Variants in LARGE1 observed in about 807,000 individuals in gnomAD.
The protein encoded by LARGE1 is xylosyl- and glucuronyltransferase LARGE1.
LARGE1 carries 43 observed loss-of-function variants against 87.6 expected under a neutral mutation model. That is an observed-to-expected ratio of 0.49 (90% confidence interval 0.38 to 0.63). The LOEUF is 0.63. Among genes scored for constraint, LARGE1 ranks in the 30% least tolerant of loss-of-function variants. The pLI is 0.00. For missense variants in LARGE1, 802 were observed against 1,000.2 expected (o/e 0.80, Z 2.67); for synonymous variants, 434 against 394.6 (o/e 1.10, Z -1.18).
At chr22:33,172,857 T>C (rs996789747) in intron 11 of LARGE1, among the ~76,000 whole-genome samples, 1 of 152,136 alleles carries the variant, frequency 6.6e-6, no homozygotes, top group Non-Finnish European at 1.5e-5. Context: ...TACGGGGCTA[T>C]GTGAAAAGAC....
chr22:33,070,930 C>T, the LARGE1 span, among the ~76,000 whole-genome samples: 2 of 152,050 alleles, frequency 1.3e-5, no homozygotes, highest in African/African-American at 2.4e-5. Flanking sequence ...GGCAGGCAAT[C>T]GTGGAGAGCT....
intron 9 of LARGE1, among the ~76,000 whole-genome samples, chr22:33,343,622 G>A (rs1277595491): frequency 6.6e-6 from 1 of 152,092 alleles, no homozygotes; most frequent in Non-Finnish European, 1.5e-5. Flanking sequence ...GTAATGGACT[G>A]TCTCCCACTC....
chr22:33,685,512 C>A (rs2081918712), intron 2 of LARGE1, among the ~76,000 whole-genome samples: 1 of 152,202 alleles, frequency 6.6e-6, no homozygotes, highest in Non-Finnish European at 1.5e-5. Flanking sequence ...GCATCTGAAT[C>A]AACTGTGGTT....
At chr22:33,194,321 C>T (rs1245447835) in intron 11 of LARGE1, among the ~76,000 whole-genome samples, 3 of 152,112 alleles carry the variant, frequency 2.0e-5, no homozygotes, top group Non-Finnish European at 2.9e-5. Context: ...TTATTGCAAT[C>T]GTCCTTAACA....
At chr22:33,567,328 G>A (rs927911394) in intron 5 of LARGE1, among the ~76,000 whole-genome samples, 1 of 152,158 alleles carries the variant, frequency 6.6e-6, no homozygotes, top group African/African-American at 2.4e-5. Context: ...AAGGACTCAA[G>A]GGCGTGGTAC....
intron 13 of LARGE1, among the ~76,000 whole-genome samples, chr22:33,280,361 A>T (rs1271376617): frequency 6.7e-6 from 1 of 149,056 alleles, no homozygotes; most frequent in Admixed American, 6.7e-5. Flanking sequence ...TCTCTTTATT[A>T]TTTCTCCTTG....
At position 33,786,735 on chromosome 22, in the gene LARGE1, A is replaced by C. The variant is rs985666640; in HGVS notation, c.-82-25177T>G. 4.6e-5 allele frequency among the ~76,000 whole-genome samples: 7 copies of C among 152,312 alleles called. No homozygotes were observed. The East Asian group carries it at 1.4e-3, about 29-fold the overall frequency. On this transcript the variant is annotated intron_variant, in intron 1 of 14. Transcript: ENST00000397394. ...ATAACACCATTACAGCTTAACAGTA[A>C]GATAGGCTGGGCGCAGTGGCTCACG... is the stretch of plus-strand genomic sequence containing the variant.
rs150338955 is a variant in LARGE1, at chr22:33,208,037, T to C, written c.1731-41205A>G. ...GGCCATAGGACTAGCTTTACCTCAT[T>C]GTAATAAGCCTGAAGAGGAAAGCCA... is the stretch of plus-strand genomic sequence containing the variant. On this transcript the variant is annotated intron_variant, in intron 11 of 11. Transcript: ENST00000608642. Among the ~76,000 whole-genome samples the C allele has an allele frequency of 8.0e-3, 1,217 of 152,270 alleles. 55 individuals are homozygous for C. The South Asian group carries it at 0.12, about 15-fold the overall frequency.
the LARGE1 span, among the ~76,000 whole-genome samples, chr22:33,078,328 C>G: frequency 1.3e-5 from 2 of 152,206 alleles, no homozygotes; most frequent in African/African-American, 4.8e-5. Flanking sequence ...AGCTATAATA[C>G]ATCTTTAGCG....
chr22:33,417,703 G>A (rs1031875990), intron 7 of LARGE1, among the ~76,000 whole-genome samples: 25 of 152,146 alleles, frequency 1.6e-4, no homozygotes, highest in Non-Finnish European at 2.5e-4. Context: ...CGGGGCTCTC[G>A]GGGAGAAACC....
chr22:33,356,441 T>C (rs372398568), intron 9 of LARGE1, among the ~76,000 whole-genome samples: 11,526 of 152,174 alleles, frequency 0.076, 512 homozygotes, highest in South Asian at 0.14. Flanking sequence ...TTAGGCAAGG[T>C]GTTTAACCTT....
chr22:33,886,629 C>CA (rs2064852454), intron 1 of LARGE1, among the ~76,000 whole-genome samples: 1 of 110,554 alleles, frequency 9.0e-6, no homozygotes, highest in African/African-American at 3.4e-5. Flanking sequence ...CGAGATCATG[C>CA]ACCTGGACAA....
At chr22:33,644,193 C>T (rs2080533559) in intron 3 of LARGE1, among the ~76,000 whole-genome samples, 2 of 152,182 alleles carry the variant, frequency 1.3e-5, no homozygotes, top group Admixed American at 6.5e-5. Flanking sequence ...TCCAGCAGCA[C>T]ATTAAAAAGC....
At chr22:33,872,359 CTATTATTATTATTATTAT>C (rs3072360) in intron 1 of LARGE1, among the ~76,000 whole-genome samples, 46 of 142,786 alleles carry the variant, frequency 3.2e-4, no homozygotes, top group Admixed American at 8.5e-4. Flanking sequence ...TAAATGCTAT[CTATTATTATTATTATTAT>C]TATTATTATT....
At chr22:33,094,161 G>T in the LARGE1 span, among the ~76,000 whole-genome samples, 2 of 152,042 alleles carry the variant, frequency 1.3e-5, no homozygotes, top group South Asian at 2.1e-4. Flanking sequence ...TTCTTTCAGG[G>T]TTATCATTTT....
chr22:33,588,638 C>T (rs1388276643), intron 5 of LARGE1, among the ~76,000 whole-genome samples: 2 of 152,158 alleles, frequency 1.3e-5, no homozygotes, highest in Admixed American at 6.5e-5. Context: ...CCCTGAAACT[C>T]AGTATTGCTT....
At chr22:33,673,995 G>T (rs609351) in intron 2 of LARGE1, among the ~76,000 whole-genome samples, 5,149 of 148,312 alleles carry the variant, frequency 0.035, 164 homozygotes, top group African/African-American at 0.067. Context: ...TTTTAGTAGA[G>T]ATGGGGTTTT....
chr22:33,422,627 C>T (rs2066732304), intron 7 of LARGE1, among the ~76,000 whole-genome samples: 1 of 152,058 alleles, frequency 6.6e-6, no homozygotes, highest in South Asian at 2.1e-4. Flanking sequence ...GTACTGCCTC[C>T]ACCTTCCGAG....
the LARGE1 span, among the ~76,000 whole-genome samples, chr22:33,108,359 C>T: frequency 6.6e-6 from 1 of 152,222 alleles, no homozygotes; most frequent in Non-Finnish European, 1.5e-5. Context: ...AAAGTGATTA[C>T]AGCTCAAGTT....
Sources: allele counts gnomAD v4.1 joint callset (sites outside exome capture counted in the v4.1 genomes callset), GRCh38; gene constraint gnomAD v4.1.1; transcripts MANE v1.5; gene names NCBI Gene and HGNC (gene_info 2026-07-23, HGNC 2026-07-21).